Variants in SLIT1 observed in about 807,000 individuals in gnomAD.
SLIT1 encodes slit guidance ligand 1, also known as slit homolog 1 protein.
SLIT1 carries 66 observed loss-of-function variants against 186.1 expected under a neutral mutation model. The observed-to-expected ratio is 0.35, with a 90% CI of 0.29 to 0.44. SLIT1 has a LOEUF of 0.44. SLIT1 is among the 20% of genes least tolerant of loss of function. The pLI is 1.00. For synonymous variants in SLIT1, 761 were observed against 833.8 expected, an observed-to-expected ratio of 0.91 and a Z score of 1.50; for missense variants, 1,638 against 2,037.4, an observed-to-expected ratio of 0.80 and a Z score of 3.77.
intron 4 of SLIT1, among the ~76,000 whole-genome samples, chr10:97,140,988 G>A (rs192822457): frequency 6.6e-6 from 1 of 152,288 alleles, no homozygotes; most frequent in Non-Finnish European, 1.5e-5. Flanking sequence ...TGCCAGTTGC[G>A]TGTGTCTGTG....
chr10:97,123,990 T>C (rs1015375935), intron 4 of SLIT1, among the ~76,000 whole-genome samples: 3 of 152,028 alleles, frequency 2.0e-5, no homozygotes, highest in Non-Finnish European at 2.9e-5. Context: ...CAGACAGTGT[T>C]GCCTGAATAA....
intron 31 of SLIT1, among the ~76,000 whole-genome samples, chr10:97,007,823 C>T (rs991304940): frequency 4.6e-5 from 7 of 152,202 alleles, no homozygotes; most frequent in Non-Finnish European, 8.8e-5. Context: ...AAAAAACACA[C>T]AACTGACATC....
chr10:97,004,044 GCCC>G lies in SLIT1; in HGVS notation c.3865+21_3865+23del, dbSNP rs1303181478. On this transcript the variant is annotated intron_variant, in intron 34 of 36. Coordinates refer to ENST00000266058, the MANE Select transcript of SLIT1 (RefSeq NM_003061.3). The surrounding 1 kb of genome is among the most constrained non-coding windows in gnomAD (Gnocchi z 5.1). Reference sequence around the variant, plus strand: ...GGCCTCAGGCCAGACAGCAAAAGAGGCCCCGCCAGGGCCAGGTCCTCACCTCCC... The same window carrying G: ...GGCCTCAGGCCAGACAGCAAAAGAGGCGCCAGGGCCAGGTCCTCACCTCCC... 6.3e-7 allele frequency: 1 copy of G among 1,587,634 alleles called. No homozygotes were observed. The highest frequency in any genetic ancestry group is 1.7e-5 in the Admixed American group (1 of 59,238).
chr10:97,115,346 G>A (rs1849499844), intron 4 of SLIT1, among the ~76,000 whole-genome samples: 1 of 152,268 alleles, frequency 6.6e-6, no homozygotes, highest in Admixed American at 6.5e-5. Flanking sequence ...TGCTTCTTCT[G>A]GAGAACAGAG....
chr10:97,070,240 C>T (rs550200675), intron 4 of SLIT1, among the ~76,000 whole-genome samples: 27 of 152,332 alleles, frequency 1.8e-4, no homozygotes, highest in African/African-American at 6.3e-4. Flanking sequence ...TCTTGAAAGC[C>T]GCAGTGTTTT....
intron 11 of SLIT1, chr10:97,057,819 A>T (rs527794909): frequency 3.1e-5 from 17 of 557,070 alleles, no homozygotes; most frequent in Admixed American, 3.0e-4. Flanking sequence ...TAGGTTTTTT[A>T]AAAAAACAAA....
intron 24 of SLIT1, among the ~76,000 whole-genome samples, chr10:97,031,101 C>T (rs574952927): frequency 4.6e-5 from 7 of 152,298 alleles, no homozygotes; most frequent in African/African-American, 1.2e-4. Context: ...TCCCTCTTTT[C>T]GTGGAGGACC....
chr10:97,184,687 G>A lies in SLIT1; in HGVS notation c.197+791C>T, dbSNP rs1298294000. 6.6e-6 allele frequency among the ~76,000 whole-genome samples: 1 copy of A among 152,172 alleles called. No individual in the cohort carries two copies. The highest frequency in any genetic ancestry group is 1.5e-5 in the Non-Finnish European group (1 of 68,034). On this transcript the variant is annotated intron_variant, in intron 1 of 36. Transcript: ENST00000266058. This position sits in a 1 kb window ranked among gnomAD's most constrained non-coding sequence, Gnocchi z 4.4. ...TGAGACAGAACAGGGGAAGAGAAAT[G>A]CTATTTTTTTATTACTTGTCATGGT...
intron 1 of SLIT1, among the ~76,000 whole-genome samples, chr10:97,171,128 C>A (rs573711918): frequency 6.6e-6 from 1 of 152,328 alleles, no homozygotes; most frequent in East Asian, 1.9e-4. Context: ...AAATGTACAC[C>A]CAGCTCTTTG....
At chr10:97,122,906 A>G (rs1482198531) in intron 4 of SLIT1, among the ~76,000 whole-genome samples, 1 of 151,552 alleles carries the variant, frequency 6.6e-6, no homozygotes, top group Non-Finnish European at 1.5e-5. Flanking sequence ...TGTCTATTTC[A>G]CCTGTCTCTA....
intron 4 of SLIT1, among the ~76,000 whole-genome samples, chr10:97,122,232 T>C (rs949475507): frequency 5.9e-5 from 9 of 152,194 alleles, no homozygotes; most frequent in South Asian, 2.1e-4. Flanking sequence ...CACAACTCCA[T>C]TGTAGGCAAC....
chr10:97,027,318 A>G (rs1238350262), intron 25 of SLIT1, among the ~76,000 whole-genome samples: 1 of 152,264 alleles, frequency 6.6e-6, no homozygotes, highest in East Asian at 1.9e-4. Flanking sequence ...TCTTAAGCAC[A>G]GAGGCGACAA....
At chr10:97,146,301 AG>A (rs913592445) in intron 4 of SLIT1, among the ~76,000 whole-genome samples, 2 of 152,312 alleles carry the variant, frequency 1.3e-5, no homozygotes, top group African/African-American at 4.8e-5. Context: ...GCTTAAGGGA[AG>A]GGTCTAACTA....
intron 4 of SLIT1, among the ~76,000 whole-genome samples, chr10:97,092,462 C>A (rs967899449): frequency 6.6e-6 from 1 of 152,182 alleles, no homozygotes; most frequent in African/African-American, 2.4e-5. Context: ...ATAGGTCAAG[C>A]ACCTGAAAGC....
intron 4 of SLIT1, among the ~76,000 whole-genome samples, chr10:97,106,640 TG>T (rs1369777268): frequency 4.4e-5 from 6 of 135,444 alleles, no homozygotes; most frequent in South Asian, 2.3e-4. Flanking sequence ...AAATTAAAGT[TG>T]TTTTTTTTTT....
intron 4 of SLIT1, among the ~76,000 whole-genome samples, chr10:97,135,164 C>A (rs575002268): frequency 1.3e-5 from 2 of 152,230 alleles, no homozygotes; most frequent in African/African-American, 2.4e-5. Context: ...AAGGCACGGG[C>A]TTCACGAACG....
chr10:97,044,672 C>T (rs999330006), intron 18 of SLIT1, among the ~76,000 whole-genome samples: 3 of 152,092 alleles, frequency 2.0e-5, no homozygotes, highest in Non-Finnish European at 4.4e-5. Context: ...TGGGCACTTC[C>T]ACACACTGGC....
rs962241890 is a variant in SLIT1 at position 97,000,085 on chromosome 10, G to GTGAT, written c.*1023_*1026dup. On this transcript the variant is annotated 3_prime_UTR_variant, in exon 37 of 37. Transcript: ENST00000266058. The stretch of plus-strand genomic sequence containing the variant: ...CCAGGTGGGGAGAAGTTTGCCCCGA[G>GTGAT]TGATAGAGCCAGCAGGGACTTCCCA... The GTGAT allele has an allele frequency of 2.6e-5, 4 of 152,370 alleles. No homozygotes were observed. Among genetic ancestry groups the GTGAT allele is most frequent in the African/African-American group, 9.6e-5 (4 of 41,458 alleles). The allele number at this position is 152,370 out of a possible 1,614,324, so 9.4% of individuals were successfully genotyped here.
chr10:97,109,321 G>C, intron 4 of SLIT1, among the ~76,000 whole-genome samples: 1 of 152,114 alleles, frequency 6.6e-6, no homozygotes, highest in Admixed American at 6.6e-5. Context: ...TGTTTTTAGC[G>C]ATAATGATGC....
Sources: allele counts gnomAD v4.1 joint callset (sites outside exome capture counted in the v4.1 genomes callset), GRCh38; gene constraint gnomAD v4.1.1; non-coding constraint Gnocchi (gnomAD v3.1); transcripts MANE v1.5; gene names NCBI Gene and HGNC (gene_info 2026-07-23, HGNC 2026-07-21).